The following DTWD2 variants were observed in gnomAD, a reference collection of about 807,000 sequenced individuals.
DTWD2 encodes the protein DTW motif tRNA-uridine aminocarboxypropyltransferase 2, also known as tRNA-uridine aminocarboxypropyltransferase 2.
In DTWD2, 39 loss-of-function variants were observed where a neutral mutation model predicts 31.8. That is an observed-to-expected ratio of 1.22 (90% CI 0.95 to 1.60). The LOEUF is 1.60. Among genes scored for constraint, DTWD2 ranks in the 40% most tolerant of loss-of-function variants. The probability of loss-of-function intolerance (pLI) is 0.00; values close to 1 mark genes in which losing one functional copy is unlikely to be tolerated. For synonymous variants in DTWD2, 180 were observed against 142.8 expected (o/e 1.26, Z -1.86); for missense variants, 515 against 381.5 (o/e 1.35, Z -2.92).
At chr5:118,973,656 C>T (rs1226163878) in intron 1 of DTWD2, 11 of 840,672 alleles carry the variant, frequency 1.3e-5, no homozygotes, top group Admixed American at 2.2e-5. Flanking sequence ...TCCTTGCTCG[C>T]GGCAGCCTCC....
intron 1 of DTWD2, among the ~76,000 whole-genome samples, chr5:118,957,169 T>C (rs545266439): frequency 2.0e-5 from 3 of 152,258 alleles, no homozygotes; most frequent in African/African-American, 7.2e-5. Context: ...CTAGATTCTC[T>C]TATAACTGGC....
intron 4 of DTWD2, among the ~76,000 whole-genome samples, chr5:118,922,529 G>C (rs536764010): frequency 6.6e-6 from 1 of 151,980 alleles, no homozygotes; most frequent in South Asian, 2.1e-4. Flanking sequence ...AAATAAAACC[G>C]AATTATTTTA....
At chr5:118,941,260 T>G (rs1372342094) in intron 2 of DTWD2, among the ~76,000 whole-genome samples, 1 of 152,162 alleles carries the variant, frequency 6.6e-6, no homozygotes, top group African/African-American at 2.4e-5. Flanking sequence ...ATGTGCCATG[T>G]TGGTGTGCTG....
Position 118,881,667 on chromosome 5 carries a change from G to A in DTWD2, c.598-33449C>T, listed in dbSNP as rs752734428. On this transcript the variant is annotated intron_variant, in intron 4 of 5. Coordinates refer to ENST00000510708, the MANE Select transcript of DTWD2 (RefSeq NM_173666.4). ...GAGCCTTCAGGAAACTTACAATTAC[G>A]GTAGAAAGTGAAGGGGAAGCAGGCG... Among the ~76,000 whole-genome samples the A allele has an allele frequency of 9.2e-5, 14 of 152,224 alleles. No individual in the cohort carries two copies. In the East Asian group the frequency reaches 1.5e-3, roughly 17 times the overall value.
intron 4 of DTWD2, among the ~76,000 whole-genome samples, chr5:118,911,188 A>T (rs1753451159): frequency 6.6e-6 from 1 of 152,244 alleles, no homozygotes; most frequent in African/African-American, 2.4e-5. Context: ...GAAGAAATTC[A>T]TGTAAGTACT....
At chr5:118,920,195 G>T (rs899559943) in intron 4 of DTWD2, among the ~76,000 whole-genome samples, 8 of 152,054 alleles carry the variant, frequency 5.3e-5, no homozygotes, top group African/African-American at 1.9e-4. Flanking sequence ...AAAACAAAAA[G>T]CCCAAGCCAA....
intron 2 of DTWD2, among the ~76,000 whole-genome samples, chr5:118,942,803 G>A (rs1472433159): frequency 1.3e-5 from 2 of 151,968 alleles, no homozygotes; most frequent in African/African-American, 2.4e-5. Context: ...GTCAAGTGGT[G>A]TGGGTTGTTT....
chr5:118,900,464 T>A (rs554069232), intron 4 of DTWD2, among the ~76,000 whole-genome samples: 3 of 152,198 alleles, frequency 2.0e-5, no homozygotes, highest in African/African-American at 7.2e-5. Flanking sequence ...AGAAAAGAAG[T>A]ATAAAGTTGT....
At chr5:118,875,913 C>T (rs186399792) in intron 4 of DTWD2, among the ~76,000 whole-genome samples, 5 of 152,282 alleles carry the variant, frequency 3.3e-5, no homozygotes, top group African/African-American at 9.6e-5. Context: ...TTCTTTTCTT[C>T]GCCACATAAC....
At chr5:118,931,758 G>C (rs1017527121) in intron 3 of DTWD2, among the ~76,000 whole-genome samples, 2 of 152,164 alleles carry the variant, frequency 1.3e-5, no homozygotes, top group African/African-American at 4.8e-5. Flanking sequence ...GATATTTATA[G>C]AATAGTCCAC....
intron 1 of DTWD2, among the ~76,000 whole-genome samples, chr5:118,969,158 T>C (rs1039078963): frequency 3.3e-5 from 5 of 150,404 alleles, no homozygotes; most frequent in Admixed American, 6.6e-5. Flanking sequence ...AACAGATCTC[T>C]GATCACTCCC....
In DTWD2 at chr5:118,953,580, G is replaced by A. The variant is rs550456488; in HGVS notation, c.219-8931C>T. Among the ~76,000 whole-genome samples, 3 of 152,270 alleles carry A rather than the reference G, an allele frequency of 2.0e-5. No individual in the cohort carries two copies. In the East Asian group the frequency reaches 5.8e-4, roughly 29 times the overall value. On this transcript the variant is annotated intron_variant, in intron 1 of 5. Coordinates refer to ENST00000510708, the MANE Select transcript of DTWD2 (RefSeq NM_173666.4). The stretch of plus-strand genomic sequence containing the variant: ...TGCATATGGACTAGAGACCTATAAA[G>A]ACCCTATGGGGACACCATACTTTGG...
chr5:118,859,977 G>T (rs947548265), intron 4 of DTWD2, among the ~76,000 whole-genome samples: 3 of 151,958 alleles, frequency 2.0e-5, no homozygotes, highest in African/African-American at 7.3e-5. Flanking sequence ...AATTAGCCAT[G>T]TGTGGTAGCA....
intron 2 of DTWD2, among the ~76,000 whole-genome samples, chr5:118,941,257 A>G (rs912708941): frequency 1.1e-4 from 16 of 152,268 alleles, no homozygotes; most frequent in Non-Finnish European, 1.9e-4. Flanking sequence ...TACATGTGCC[A>G]TGTTGGTGTG....
At chr5:118,922,298 GA>G (rs1287739507) in intron 4 of DTWD2, among the ~76,000 whole-genome samples, 1 of 152,208 alleles carries the variant, frequency 6.6e-6, no homozygotes, top group East Asian at 1.9e-4. Context: ...TTAGGAGGGC[GA>G]AAAAACTATA....
chr5:118,918,828 G>GA (rs77545480), intron 4 of DTWD2, among the ~76,000 whole-genome samples: 1,470 of 124,584 alleles, frequency 0.012, 21 homozygotes, highest in African/African-American at 0.037. Context: ...TCTCTACCAG[G>GA]AAAAAAAAAA....
intron 1 of DTWD2, among the ~76,000 whole-genome samples, chr5:118,949,255 T>G (rs938430961): frequency 7.2e-5 from 11 of 152,196 alleles, no homozygotes; most frequent in African/African-American, 2.7e-4. Context: ...GGGCTGTTCC[T>G]GAAGCCTTGT....
chr5:118,900,572 CTT>C (rs1354047678), intron 4 of DTWD2, among the ~76,000 whole-genome samples: 2 of 152,090 alleles, frequency 1.3e-5, no homozygotes, highest in Non-Finnish European at 2.9e-5. Flanking sequence ...AGTATTTTGT[CTT>C]AAGATAGACT....
At chr5:118,938,549 A>T (rs1345170666) in intron 3 of DTWD2, among the ~76,000 whole-genome samples, 1 of 152,142 alleles carries the variant, frequency 6.6e-6, no homozygotes, top group Non-Finnish European at 1.5e-5. Flanking sequence ...AAAATTCATC[A>T]GCAAATAATA....
Sources: gnomAD v4.1 joint callset for allele counts (sites outside exome capture counted in the v4.1 genomes callset) on GRCh38, gnomAD v4.1.1 for gene constraint, MANE v1.5 for transcripts, NCBI Gene and HGNC (gene_info 2026-07-23, HGNC 2026-07-21) for gene names.